The following GNAO1 variants were observed in gnomAD, a reference collection of about 807,000 sequenced individuals.
The protein encoded by GNAO1 is guanine nucleotide-binding protein G(o) subunit alpha.
For missense variants in GNAO1, 166 were observed against 478.7 expected (o/e 0.35, Z 6.10); for synonymous variants, 164 against 180.7 (o/e 0.91, Z 0.74).
chr16:56,305,189 G>A (rs1023733389), intron 3 of GNAO1, among the ~76,000 whole-genome samples: 2 of 151,208 alleles, frequency 1.3e-5, no homozygotes, highest in African/African-American at 4.9e-5. Context: ...CCATCTCAAC[G>A]TATAGCCTGG....
intron 6 of GNAO1, among the ~76,000 whole-genome samples, chr16:56,342,548 G>A (rs2037816028): frequency 6.6e-6 from 1 of 152,244 alleles, no homozygotes; most frequent in South Asian, 2.1e-4. Flanking sequence ...CTGAGAACCA[G>A]CTCAGTGTGT....
At chr16:56,293,918 G>A (rs2037257357) in intron 3 of GNAO1, among the ~76,000 whole-genome samples, 1 of 152,174 alleles carries the variant, frequency 6.6e-6, no homozygotes, top group Non-Finnish European at 1.5e-5. Flanking sequence ...AGGTTGGTGT[G>A]TCAAGTGATT....
At chr16:56,229,300 G>C (rs988349678) in intron 2 of GNAO1, among the ~76,000 whole-genome samples, 1 of 152,148 alleles carries the variant, frequency 6.6e-6, no homozygotes, top group African/African-American at 2.4e-5. Flanking sequence ...CACCTCCCAG[G>C]TTCAAGTAAT....
intron 2 of GNAO1, among the ~76,000 whole-genome samples, chr16:56,219,769 C>G (rs192326204): frequency 1.6e-4 from 24 of 152,236 alleles, no homozygotes; most frequent in Middle Eastern, 3.4e-3. Flanking sequence ...CGGGAAGAAG[C>G]CTGAAACCCC....
chr16:56,226,385 C>G (rs1397268776), intron 2 of GNAO1: 1 of 152,200 alleles, frequency 6.6e-6, no homozygotes, highest in Non-Finnish European at 1.5e-5. Flanking sequence ...TGTAATATTC[C>G]CACCACAGCT....
chr16:56,272,807 G>A (rs371305765), intron 2 of GNAO1, among the ~76,000 whole-genome samples: 6 of 152,194 alleles, frequency 3.9e-5, no homozygotes, highest in African/African-American at 1.2e-4. Flanking sequence ...TAGGTTGAAG[G>A]AAGTCCCAGA....
chr16:56,221,665 A>C (rs1160916004), intron 2 of GNAO1, among the ~76,000 whole-genome samples: 7 of 151,946 alleles, frequency 4.6e-5, no homozygotes, highest in Admixed American at 1.3e-4. Context: ...AAAAAAAAAA[A>C]AAAAAAAAAC....
intron 2 of GNAO1, among the ~76,000 whole-genome samples, chr16:56,200,988 CATCT>C (rs2036277445): frequency 6.6e-6 from 1 of 152,174 alleles, no homozygotes; most frequent in South Asian, 2.1e-4. Flanking sequence ...GGGATCCATC[CATCT>C]GTCCATCCAT....
intron 2 of GNAO1, among the ~76,000 whole-genome samples, chr16:56,218,806 C>G (rs2036458339): frequency 6.6e-6 from 1 of 152,140 alleles, no homozygotes; most frequent in Non-Finnish European, 1.5e-5. Context: ...TTTGCTTGGC[C>G]AAAGGCTACT....
chr16:56,340,633 GC>G, intron 6 of GNAO1: 1 of 612,192 alleles, frequency 1.6e-6, no homozygotes, highest in Non-Finnish European at 2.9e-6. Context: ...GCCCCGCCCT[GC>G]CTGCGTGTGG....
intron 3 of GNAO1, among the ~76,000 whole-genome samples, chr16:56,313,249 TA>T (rs1408838861): frequency 1.3e-5 from 2 of 152,206 alleles, no homozygotes; most frequent in Non-Finnish European, 2.9e-5. Flanking sequence ...CAGCAGCTCT[TA>T]AACATTTTGG....
chr16:56,264,748 TATA>T (rs2036935470), intron 2 of GNAO1, among the ~76,000 whole-genome samples: 1 of 148,722 alleles, frequency 6.7e-6, no homozygotes, highest in African/African-American at 2.4e-5. Context: ...TAGTATTAAA[TATA>T]GTATTTTAAT....
At chr16:56,321,832 AAAG>A (rs1292012150) in intron 3 of GNAO1, among the ~76,000 whole-genome samples, 3 of 152,224 alleles carry the variant, frequency 2.0e-5, no homozygotes, top group Admixed American at 6.5e-5. Context: ...TGAGTTTTCT[AAAG>A]AAGTCAGCTC....
At chr16:56,333,181 A>C (rs1239601805) in intron 4 of GNAO1, among the ~76,000 whole-genome samples, 1 of 151,562 alleles carries the variant, frequency 6.6e-6, no homozygotes, top group Admixed American at 6.6e-5. Context: ...ACTGGGCTGG[A>C]ATCCCAGCCA....
chr16:56,240,610 C>T (rs1363017502), intron 2 of GNAO1, among the ~76,000 whole-genome samples: 2 of 152,054 alleles, frequency 1.3e-5, no homozygotes, highest in Non-Finnish European at 2.9e-5. Flanking sequence ...CGAATTTTTC[C>T]CATTTCTCTC....
At chr16:56,347,782 C>T in intron 6 of GNAO1, 2 of 689,088 alleles carry the variant, frequency 2.9e-6, no homozygotes, top group Non-Finnish European at 3.4e-6. Flanking sequence ...CCCTCCCTTT[C>T]CCTCCTCTCC....
chr16:56,290,621 A>C (rs2037221513), intron 3 of GNAO1, among the ~76,000 whole-genome samples: 1 of 152,076 alleles, frequency 6.6e-6, no homozygotes, highest in Non-Finnish European at 1.5e-5. Context: ...TTGAAACCAC[A>C]CCTGCCCACG....
chr16:56,344,135 AG>A, intron 6 of GNAO1: 1 of 1,443,216 alleles, frequency 6.9e-7, no homozygotes, highest in Admixed American at 2.7e-5. Context: ...GTGGTAACGC[AG>A]GGGCGGGGCG....
intron 2 of GNAO1, among the ~76,000 whole-genome samples, chr16:56,230,771 T>C (rs566376982): frequency 2.0e-4 from 30 of 152,302 alleles, no homozygotes; most frequent in African/African-American, 6.7e-4. Flanking sequence ...TGTCTTTGCT[T>C]TCCTCTTCCT....
Sources: allele counts gnomAD v4.1 joint callset (sites outside exome capture counted in the v4.1 genomes callset), GRCh38; gene constraint gnomAD v4.1.1; transcripts MANE v1.5; gene names NCBI Gene and HGNC (gene_info 2026-07-23, HGNC 2026-07-21).